TBX5: variants seen among roughly 807,000 people sequenced by gnomAD.
The protein encoded by TBX5 is T-box transcription factor 5, also known as T-box transcription factor TBX5.
A neutral mutation model predicts 51.1 loss-of-function variants in TBX5; 8 were observed. The observed-to-expected ratio is 0.16, with a 90% CI of 0.09 to 0.28. TBX5 has a LOEUF of 0.28. Among genes scored for constraint, TBX5 ranks in the 10% least tolerant of loss-of-function variants. TBX5 has a pLI of 1.00. For synonymous variants in TBX5, 302 were observed against 266.4 expected (o/e 1.13, Z -1.30); for missense variants, 589 against 671.7 (o/e 0.88, Z 1.36).
chr12:114,386,446 T>C (rs950330612), intron 6 of TBX5, among the ~76,000 whole-genome samples: 11 of 152,240 alleles, frequency 7.2e-5, no homozygotes, highest in Non-Finnish European at 1.5e-4. Context: ...AATCATGTTA[T>C]AGACATGAGA....
Position 114,382,996 on chromosome 12 carries a change from G to A in TBX5, c.755+2480C>T, listed in dbSNP as rs73201501. 9.3e-3 allele frequency among the ~76,000 whole-genome samples: 774 copies of A among 83,058 alleles called. 19 individuals are homozygous for A. The highest frequency in any genetic ancestry group is 0.022 in the South Asian group (44 of 2,018). The allele number at this position is 83,058 out of a possible 152,430, so 54.5% of individuals were successfully genotyped here. The stretch of plus-strand genomic sequence containing the variant: ...TGTCTCCAAAAAAAAAAAAAAAAAA[G>A]AGCTTTTAGAAAAGACTCCCTTGAT... On this transcript the variant is annotated intron_variant, in intron 7 of 8. Coordinates refer to ENST00000405440, the MANE Select transcript of TBX5 (RefSeq NM_181486.4).
chr12:114,408,192 A>G (rs1224196484), upstream of TBX5: 1 of 985,266 alleles, frequency 1.0e-6, no homozygotes, highest in Non-Finnish European at 1.2e-6. Flanking sequence ...TTCGCCTATC[A>G]GTGCCGGGTC....
intron 7 of TBX5, among the ~76,000 whole-genome samples, chr12:114,378,689 T>A (rs905714652): frequency 6.6e-6 from 1 of 152,148 alleles, no homozygotes; most frequent in Non-Finnish European, 1.5e-5. Flanking sequence ...CAGGCTGGAG[T>A]GCAGTGGCAC....
Position 114,405,660 on chromosome 12 carries a change from C to A in TBX5, c.-71G>T, listed in dbSNP as rs917282016. 8 of 975,706 alleles carry A rather than the reference C, an allele frequency of 8.2e-6. No individual in the cohort carries two copies. In the African/African-American group the frequency reaches 1.2e-4, roughly 15 times the overall value. 60.4% of individuals were successfully genotyped at this position (975,706 alleles called of 1,614,324 possible). On this transcript the variant is annotated 5_prime_UTR_variant, in exon 1 of 9. Transcript: ENST00000405440. ...GGTGAAGCCGGTGCATTCACCACAT[C>A]CTCTGCTGCTCCTAGCAGGGAAGCC...
chr12:114,387,922 A>T (rs1870910988), intron 6 of TBX5, among the ~76,000 whole-genome samples: 1 of 151,768 alleles, frequency 6.6e-6, no homozygotes, highest in Admixed American at 6.6e-5. Context: ...CTGCAGCCTC[A>T]AACTCCTGGG....
intron 7 of TBX5, among the ~76,000 whole-genome samples, chr12:114,369,824 A>T (rs1419933669): frequency 1.4e-5 from 2 of 139,426 alleles, no homozygotes; most frequent in South Asian, 4.7e-4. Flanking sequence ...CATCATCATC[A>T]TCATTCTCAT....
At chr12:114,360,199 G>A (rs1057485354) in intron 8 of TBX5, among the ~76,000 whole-genome samples, 3 of 152,204 alleles carry the variant, frequency 2.0e-5, no homozygotes, top group Non-Finnish European at 2.9e-5. Flanking sequence ...AGCAAGTTGG[G>A]AAGGTGGCTA....
intron 7 of TBX5, among the ~76,000 whole-genome samples, chr12:114,376,781 T>C (rs1870215574): frequency 6.6e-6 from 1 of 151,952 alleles, no homozygotes; most frequent in Non-Finnish European, 1.5e-5. Context: ...TTAAGTTGTA[T>C]AACCTAAGTA....
chr12:114,395,156 A>G (rs1871349772), intron 5 of TBX5, among the ~76,000 whole-genome samples: 1 of 152,194 alleles, frequency 6.6e-6, no homozygotes, highest in African/African-American at 2.4e-5. Context: ...TTCTTAATAA[A>G]GTTTGCTTAA....
At chr12:114,398,199 C>T (rs1871542133) in intron 5 of TBX5, among the ~76,000 whole-genome samples, 1 of 152,188 alleles carries the variant, frequency 6.6e-6, no homozygotes, top group African/African-American at 2.4e-5. Context: ...TATCTCCAGC[C>T]ACCAAGGAAC....
rs1871580567 is a variant in TBX5, at chr12:114,398,655, G to A, written c.428C>T (p.Ala143Val). Residue 143 changes from alanine (A) to valine (V), a missense_variant, in exon 5 of 9, where the codon GCC (alanine) becomes GTC (valine). By Grantham distance (64) the Ala-to-Val change is moderately conservative. Around this residue, in one of 7 missense-constraint regions of TBX5, gnomAD observed 85 missense variants for 95.6 expected, o/e 0.89. Transcript: ENST00000405440. Reference protein sequence around the residue: ...GRLYVHPDSPATGAHWMRQLV... With the variant: ...GRLYVHPDSPVTGAHWMRQLV... ...CTGCCTCATCCAATGCGCCCCGGTGGCGGGGGAGTCTGGGTGCACGTACAG... is the reference window on the plus strand; with the variant it reads ...CTGCCTCATCCAATGCGCCCCGGTGACGGGGGAGTCTGGGTGCACGTACAG... 6.2e-7 allele frequency: 1 copy of A among 1,613,188 alleles called. No homozygotes were observed. Among genetic ancestry groups the A allele is most frequent in the Admixed American group, 1.7e-5 (1 of 59,896 alleles).
chr12:114,407,676 C>G (rs989957887), upstream of TBX5: 21 of 781,872 alleles, frequency 2.7e-5, no homozygotes, highest in Non-Finnish European at 3.1e-5. Flanking sequence ...ACACACGAAG[C>G]CATTCTTATT....
Position 114,355,886 on chromosome 12 carries a change from C to A in TBX5, c.1203G>T (p.Trp401Cys), listed in dbSNP as rs377649723. ...PSLEDISCNT[W>C]PSMPSYSSCT... ...AGCTGCTGTAGGAAGGCATGCTTGG[C>A]CACGTGTTGCAGCTGATGTCCTCTA... Residue 401 changes from tryptophan to cysteine, a missense_variant, in exon 9 of 9, where the codon TGG becomes TGT. By Grantham distance (215) the Trp-to-Cys change is radical. Around this residue, in one of 7 missense-constraint regions of TBX5, gnomAD observed 348 missense variants for 360.4 expected, o/e 0.97. Transcript: ENST00000405440. The A allele has an allele frequency of 4.8e-5, 78 of 1,613,584 alleles. No homozygotes were observed. The highest frequency in any genetic ancestry group is 6.5e-5 in the Non-Finnish European group (77 of 1,180,044).
rs745499257 is a variant in TBX5 at position 114,353,915 on chromosome 12, T to C, written c.*1617A>G. 2 of 151,708 alleles carry C rather than the reference T, an allele frequency of 1.3e-5. No individual in the cohort carries two copies. The highest frequency in any genetic ancestry group is 4.9e-5 in the African/African-American group (2 of 41,202). The allele number at this position is 151,708 out of a possible 1,614,324, so 9.4% of individuals were successfully genotyped here. A position where few individuals can be genotyped will look rare whatever the true frequency, so the allele number is the denominator to read the frequency against. On this transcript the variant is annotated 3_prime_UTR_variant, in exon 9 of 9. Coordinates refer to ENST00000405440, the MANE Select transcript of TBX5 (RefSeq NM_181486.4). ...AAGAACAGGAAAAAAAAAAAATGGG[T>C]GTTCAACTTCCTTGTACTTGTTTAA...
intron 7 of TBX5, among the ~76,000 whole-genome samples, chr12:114,379,388 A>G (rs1028184217): frequency 1.3e-5 from 2 of 152,120 alleles, no homozygotes; most frequent in East Asian, 3.9e-4. Flanking sequence ...GTGGAAGTGT[A>G]TACTTCCTTC....
Position 114,396,141 on chromosome 12 carries a change from G to A in TBX5, c.511-1248C>T, listed in dbSNP as rs555932572. ...TCGAGTGGAGGTAGTTGGGGGAGGC[G>A]AGCCGCGGCCGGGGGCGGGGGAGGG... On this transcript the variant is annotated intron_variant, in intron 5 of 8. Transcript: ENST00000405440. 1.6e-4 allele frequency among the ~76,000 whole-genome samples: 24 copies of A among 152,068 alleles called. No individual in the cohort carries two copies. The South Asian group carries it at 3.7e-3, about 24-fold the overall frequency.
rs1300164371 is a variant in TBX5, at chr12:114,403,808, C to G, written c.91G>C (p.Ala31Pro). ...GGGGACTTGCTGGGGGCCCCGAGCG[C>G]GCTCTCGGGTTTCGAATCGCAGGGC... Reference protein sequence around the residue: ...DLPCDSKPESALGAPSKSPSS... With the variant: ...DLPCDSKPESPLGAPSKSPSS... Residue 31 changes from alanine (A) to proline (P), a missense_variant, in exon 2 of 9, where the codon GCG (alanine) becomes CCG (proline). Transcript: ENST00000405440. 1 of 1,614,106 alleles carries G rather than the reference C, an allele frequency of 6.2e-7. No homozygotes were observed. Among genetic ancestry groups the G allele is most frequent in the East Asian group, 2.2e-5 (1 of 44,876 alleles).
At chr12:114,402,984 G>T (rs1246636492) in intron 2 of TBX5, among the ~76,000 whole-genome samples, 2 of 152,016 alleles carry the variant, frequency 1.3e-5, no homozygotes, top group African/African-American at 4.8e-5. Context: ...TGTCTCTTCT[G>T]GTCGTCACCC....
chr12:114,389,148 G>C (rs1473038829), intron 6 of TBX5, among the ~76,000 whole-genome samples: 1 of 151,762 alleles, frequency 6.6e-6, no homozygotes, highest in East Asian at 2.0e-4. Flanking sequence ...GGCTGCTCTT[G>C]AACTCCTGGC....
Sources: allele counts gnomAD v4.1 joint callset (sites outside exome capture counted in the v4.1 genomes callset), GRCh38; gene constraint gnomAD v4.1.1; regional missense constraint gnomAD v4.1.1; transcripts MANE v1.5; gene names NCBI Gene and HGNC (gene_info 2026-07-23, HGNC 2026-07-21).